LEO1: variants seen among roughly 807,000 people sequenced by gnomAD.
LEO1 encodes LEO1 component of Paf1/RNA polymerase II complex.
Under a neutral mutation model 80.4 loss-of-function variants are expected in LEO1, and 34 were observed. The observed-to-expected ratio is 0.42, with a 90% CI of 0.32 to 0.56. The LOEUF is 0.56. Ranked by LOEUF, LEO1 falls within the 20% of genes least tolerant of loss-of-function variation. LEO1 has a pLI of 0.10. For synonymous variants in LEO1, 262 were observed against 274.9 expected (o/e 0.95, Z 0.46); for missense variants, 631 against 814.2 (o/e 0.77, Z 2.74).
chr15:51,956,864 T>C (rs2056993821), intron 6 of LEO1, among the ~76,000 whole-genome samples: 2 of 152,204 alleles, frequency 1.3e-5, no homozygotes, highest in Admixed American at 6.5e-5. Flanking sequence ...CTCGCTGTGC[T>C]GCACAGGCTG....
intron 3 of LEO1, among the ~76,000 whole-genome samples, chr15:51,961,578 C>T (rs142424257): frequency 9.3e-4 from 142 of 151,872 alleles, no homozygotes; most frequent in African/African-American, 3.4e-3. Context: ...ATTTTTAGTA[C>T]AGACAGGGCT....
chr15:51,940,422 G>A (rs188885042), intron 11 of LEO1, among the ~76,000 whole-genome samples: 15 of 151,766 alleles, frequency 9.9e-5, no homozygotes, highest in East Asian at 1.9e-4. Context: ...TTAGCCAGGC[G>A]TGATGGCGGG....
At chr15:51,942,613 A>G (rs539641658) in intron 11 of LEO1, among the ~76,000 whole-genome samples, 7 of 152,152 alleles carry the variant, frequency 4.6e-5, no homozygotes, top group Non-Finnish European at 1.0e-4. Flanking sequence ...TAAAACAAAT[A>G]CGTTGCAGAA....
chr15:51,947,256 G>A (rs769686096), intron 11 of LEO1, 36 bp downstream of exon 11: 4 of 1,424,588 alleles, frequency 2.8e-6, no homozygotes, highest in Non-Finnish European at 4.0e-6. Context: ...CCTGAGTACA[G>A]GATAAACCCC....
chr15:51,969,964 TTAAAA>T (rs1194264140), intron 1 of LEO1, among the ~76,000 whole-genome samples: 3 of 151,780 alleles, frequency 2.0e-5, no homozygotes, highest in African/African-American at 4.8e-5. Flanking sequence ...AAATAAAAAC[TTAAAA>T]TAACTGTTGG....
At chr15:51,963,896 T>TAAAA (rs2057052236) in intron 2 of LEO1, among the ~76,000 whole-genome samples, 1 of 32,794 alleles carries the variant, frequency 3.0e-5, no homozygotes, top group African/African-American at 1.2e-4. Context: ...AGACTCTGTC[T>TAAAA]CAAAAAAAAA....
chr15:51,966,276 T>A lies in LEO1; in HGVS notation c.287A>T (p.His96Leu). Residue 96 changes from histidine to leucine, a missense_variant, in exon 2 of 12, where the codon CAT becomes CTT. His to Leu is a moderately conservative substitution (Grantham distance 99, BLOSUM62 -3). Coordinates refer to ENST00000299601, the MANE Select transcript of LEO1 (RefSeq NM_138792.4). Reference protein sequence around the residue: ...NRSEASERSDHEDNDPSDVDQ... With the variant: ...NRSEASERSDLEDNDPSDVDQ... ...TACATCTGAGGGGTCATTGTCCTCA[T>A]GGTCAGAACGCTCAGAAGCTTCTGA... The A allele has an allele frequency of 6.2e-7, 1 of 1,614,118 alleles. No homozygotes were observed. The highest frequency in any genetic ancestry group is 1.1e-5 in the South Asian group (1 of 91,084).
At chr15:51,968,808 G>A (rs1281232277) in intron 1 of LEO1, among the ~76,000 whole-genome samples, 2 of 151,248 alleles carry the variant, frequency 1.3e-5, no homozygotes, top group Admixed American at 6.6e-5. Flanking sequence ...CAGCCTGGGC[G>A]ACAGAGCAAG....
chr15:51,956,842 G>A (rs538118770), intron 6 of LEO1, among the ~76,000 whole-genome samples: 3 of 151,926 alleles, frequency 2.0e-5, no homozygotes, highest in Admixed American at 1.3e-4. Flanking sequence ...TTTTTTGGGG[G>A]GGAGACAGGG....
intron 6 of LEO1, 187 bp from the exon 7 acceptor site, chr15:51,954,762 G>A (rs1555392916): frequency 5.5e-6 from 3 of 549,372 alleles, no homozygotes; most frequent in South Asian, 2.3e-5. Flanking sequence ...TAAAAGCAGG[G>A]AAAAAAATAT....
intron 4 of LEO1, 62 bp from the exon 5 acceptor site, chr15:51,960,106 C>T: frequency 1.5e-6 from 2 of 1,331,492 alleles, no homozygotes; most frequent in Non-Finnish European, 2.1e-6. Flanking sequence ...CCTTCAACCT[C>T]CACACTTTAA....
At chr15:51,966,775 G>T (rs1431553258) in intron 1 of LEO1, among the ~76,000 whole-genome samples, 2 of 152,056 alleles carry the variant, frequency 1.3e-5, no homozygotes, top group Non-Finnish European at 2.9e-5. Context: ...GCCAGGCATG[G>T]TTGCACATGC....
chr15:51,942,247 C>A (rs2448953), intron 11 of LEO1, among the ~76,000 whole-genome samples: 56,059 of 151,796 alleles, frequency 0.37, 10,664 homozygotes, highest in Admixed American at 0.43. Flanking sequence ...TTTTTGTTGT[C>A]AGGGAAGGAA....
At chr15:51,966,627 A>G (rs2057080181) in intron 1 of LEO1, 123 bp from the exon 2 acceptor site, 2 of 629,868 alleles carry the variant, frequency 3.2e-6, no homozygotes, top group Non-Finnish European at 5.5e-6. Context: ...TTAACATTCT[A>G]AGGCCGGGTG....
At chr15:51,941,235 C>G (rs1291055233) in intron 11 of LEO1, among the ~76,000 whole-genome samples, 6 of 152,148 alleles carry the variant, frequency 3.9e-5, no homozygotes. Flanking sequence ...GGGATGCTGC[C>G]TTACTGAACA....
chr15:51,968,874 A>G (rs757189122), intron 1 of LEO1, among the ~76,000 whole-genome samples: 4 of 152,200 alleles, frequency 2.6e-5, no homozygotes, highest in Non-Finnish European at 5.9e-5. Flanking sequence ...AATGGAAGAA[A>G]ATATTTGCAA....
Position 51,960,719 on chromosome 15 carries a change from T to C in LEO1, c.934A>G (p.Met312Val), listed in dbSNP as rs2057023384. The change falls in exon 4 of 12, where the codon ATG becomes GTG. Residue 312 changes from methionine (M) to valine (V), a missense_variant. Physicochemically the swap from Met to Val is conservative, Grantham distance 21. Around this residue, in one of 4 missense-constraint regions of LEO1, gnomAD observed 394 missense variants for 395.6 expected, o/e 1.00. Coordinates refer to ENST00000299601, the MANE Select transcript of LEO1 (RefSeq NM_138792.4). ...TCATCTGCACCTCCAAATAAATCCA[T>C]GGTTCCACTATTATCTTCAATGCAG... ...TEVPKDNSGTMDLFGGADDIS... is the reference protein window; with the variant it reads ...TEVPKDNSGTVDLFGGADDIS... 1 of 1,605,104 alleles carries C rather than the reference T, an allele frequency of 6.2e-7. No homozygotes were observed. Among genetic ancestry groups the C allele is most frequent in the Middle Eastern group, 1.7e-4 (1 of 6,036 alleles).
intron 5 of LEO1, 35 bp downstream of exon 5, chr15:51,959,864 C>T: frequency 6.5e-7 from 1 of 1,529,584 alleles, no homozygotes; most frequent in Non-Finnish European, 8.8e-7. Flanking sequence ...TATTTCTACT[C>T]AACATCCTGA....
chr15:51,954,435 G>T, intron 7 of LEO1, 46 bp downstream of exon 7: 2 of 1,143,970 alleles, frequency 1.7e-6, no homozygotes, highest in South Asian at 1.3e-5. Flanking sequence ...TGATCCCTCT[G>T]ACCCGTTCTG....
Sources: allele counts gnomAD v4.1 joint callset (sites outside exome capture counted in the v4.1 genomes callset), GRCh38; gene constraint gnomAD v4.1.1; regional missense constraint gnomAD v4.1.1; transcripts MANE v1.5; gene names NCBI Gene and HGNC (gene_info 2026-07-23, HGNC 2026-07-21).